The following KAZN variants were observed in gnomAD, a reference collection of about 807,000 sequenced individuals.
KAZN encodes kazrin.
In KAZN, 40 loss-of-function variants were observed where a neutral mutation model predicts 87.4. That is an observed-to-expected ratio of 0.46 (90% confidence interval 0.36 to 0.60). The LOEUF is 0.60. Among genes scored for constraint, KAZN ranks in the 20% least tolerant of loss-of-function variants. KAZN has a pLI of 0.00. For synonymous variants in KAZN, 466 were observed against 458.3 expected (o/e 1.02, Z -0.22); for missense variants, 898 against 1,073.9 (o/e 0.84, Z 2.29).
chr1:14,650,737 A>G (rs1471799591), intron 1 of KAZN, among the ~76,000 whole-genome samples: 3 of 152,192 alleles, frequency 2.0e-5, no homozygotes, highest in Admixed American at 1.3e-4. Flanking sequence ...CAGGTTCCTG[A>G]TGCATTGAAA....
chr1:14,110,388 G>A (rs1412665683), intron 1 of KAZN, among the ~76,000 whole-genome samples: 2 of 152,150 alleles, frequency 1.3e-5, no homozygotes, highest in South Asian at 4.1e-4. Flanking sequence ...AACTCTCTAA[G>A]AATTTAGACT....
chr1:13,898,573 G>T (rs906941276), intron 1 of KAZN, among the ~76,000 whole-genome samples: 1 of 152,224 alleles, frequency 6.6e-6, no homozygotes, highest in African/African-American at 2.4e-5. Flanking sequence ...GCTCGTGGAG[G>T]GTGGAAGGGA....
chr1:14,627,405 G>T (rs1281004392), intron 1 of KAZN, among the ~76,000 whole-genome samples: 1 of 152,122 alleles, frequency 6.6e-6, no homozygotes, highest in Non-Finnish European at 1.5e-5. Flanking sequence ...CTGGGCCAGA[G>T]AGTGCAGAGG....
chr1:14,619,198 C>G (rs1281908866), intron 1 of KAZN, among the ~76,000 whole-genome samples: 2 of 144,218 alleles, frequency 1.4e-5, no homozygotes, highest in Non-Finnish European at 3.1e-5. Context: ...TTTAATCATT[C>G]TTGGTTTTTT....
chr1:14,892,452 G>A (rs774229701), intron 1 of KAZN, among the ~76,000 whole-genome samples: 9 of 149,248 alleles, frequency 6.0e-5, no homozygotes, highest in Non-Finnish European at 1.2e-4. Flanking sequence ...ACAATCCCTG[G>A]ATCATCTGAA....
chr1:14,873,628 C>T (rs911402511), intron 1 of KAZN, among the ~76,000 whole-genome samples: 18 of 152,180 alleles, frequency 1.2e-4, no homozygotes, highest in African/African-American at 3.4e-4. Context: ...ACTTTGCTTT[C>T]CTCTCAGTGA....
chr1:14,157,020 T>C (rs1645610081), intron 1 of KAZN, among the ~76,000 whole-genome samples: 1 of 152,072 alleles, frequency 6.6e-6, no homozygotes, highest in Non-Finnish European at 1.5e-5. Flanking sequence ...TTTTTTGATT[T>C]GAGGTTACCA....
rs545304554 is a variant in KAZN at position 15,066,593 on chromosome 1, A to G, written c.1222+840A>G. ...AGAAAAAAAGAAAATTGTTTCATTT[A>G]ATTTATTTGCACAAATGCTGAAAAC... On this transcript the variant is annotated intron_variant, in intron 8 of 14. Coordinates refer to ENST00000376030, the MANE Select transcript of KAZN (RefSeq NM_201628.3). The surrounding 1 kb of genome is among the most constrained non-coding windows in gnomAD (Gnocchi z 4.3). 705 of 983,812 alleles carry G rather than the reference A, an allele frequency of 7.2e-4. 1 individual carries two copies. The highest frequency in any genetic ancestry group is 7.4e-4 in the Non-Finnish European group (609 of 828,452). The allele number at this position is 983,812 out of a possible 1,614,324, so 60.9% of individuals were successfully genotyped here. A position where few individuals can be genotyped will look rare whatever the true frequency, so the allele number is the denominator to read the frequency against.
intron 1 of KAZN, among the ~76,000 whole-genome samples, chr1:14,932,253 G>A (rs143126440): frequency 7.0e-6 from 1 of 143,088 alleles, no homozygotes; most frequent in Admixed American, 6.9e-5. Context: ...CACCCTCCCC[G>A]CCCCGTCCCC....
Position 14,117,540 on chromosome 1 carries a change from A to G in KAZN, c.92-62895A>G, listed in dbSNP as rs1346486410. On this transcript the variant is annotated intron_variant, in intron 1 of 16. Transcript: ENST00000636203. ...TTATCAGCAGCATGAAAGTGGACTA[A>G]TACACCTCCCAAAGGCCCCACCTCC... Among the ~76,000 whole-genome samples the G allele has an allele frequency of 5.3e-5, 8 of 152,126 alleles. No homozygotes were observed. In the South Asian group the frequency reaches 1.3e-3, roughly 24 times the overall value.
intron 1 of KAZN, among the ~76,000 whole-genome samples, chr1:13,927,694 C>T (rs547158287): frequency 1.9e-4 from 29 of 152,084 alleles, no homozygotes; most frequent in African/African-American, 7.0e-4. Flanking sequence ...AGTTTCCTGC[C>T]CCAAGAAGCT....
chr1:14,347,776 C>A (rs1658214441), intron 2 of KAZN, among the ~76,000 whole-genome samples: 1 of 152,068 alleles, frequency 6.6e-6, no homozygotes. Flanking sequence ...GTGAGTAGTT[C>A]TCTGGATAGT....
intron 1 of KAZN, among the ~76,000 whole-genome samples, chr1:14,717,994 C>T (rs975058588): frequency 3.0e-4 from 45 of 152,208 alleles, no homozygotes; most frequent in Non-Finnish European, 3.2e-4. Context: ...TCAAGAGGGA[C>T]GCTTCCCCCA....
chr1:13,893,122 C>G (rs1291516531), exon 1 of KAZN: 3 of 152,066 alleles, frequency 2.0e-5, no homozygotes, highest in East Asian at 3.9e-4. Flanking sequence ...AGCCCAGGGT[C>G]GGCGCTGCAG....
At chr1:14,656,775 A>T (rs1485835708) in intron 1 of KAZN, among the ~76,000 whole-genome samples, 1 of 152,188 alleles carries the variant, frequency 6.6e-6, no homozygotes, top group Non-Finnish European at 1.5e-5. Context: ...AGCAAGGGGG[A>T]AATTCATCCC....
intron 2 of KAZN, among the ~76,000 whole-genome samples, chr1:15,012,644 C>T (rs189080623): frequency 3.2e-4 from 49 of 152,260 alleles, no homozygotes; most frequent in Middle Eastern, 3.4e-3. Context: ...GATCATGGCC[C>T]GGCGTGGTTG....
At chr1:14,567,723 C>T (rs988906127) in intron 2 of KAZN, among the ~76,000 whole-genome samples, 1 of 152,128 alleles carries the variant, frequency 6.6e-6, no homozygotes, top group Non-Finnish European at 1.5e-5. Flanking sequence ...TATTTTGTTT[C>T]TGTTTTTGTT....
intron 2 of KAZN, among the ~76,000 whole-genome samples, chr1:14,522,322 C>T (rs1355189391): frequency 6.6e-6 from 1 of 152,216 alleles, no homozygotes; most frequent in East Asian, 1.9e-4. Context: ...CTGAGACCTA[C>T]ATGTGATTTG....
intron 1 of KAZN, among the ~76,000 whole-genome samples, chr1:14,938,008 C>A (rs1660644380): frequency 6.6e-6 from 1 of 152,198 alleles, no homozygotes; most frequent in Non-Finnish European, 1.5e-5. Context: ...TTGTGTAGAA[C>A]AGGCTCCCCT....
Sources: gnomAD v4.1 joint callset for allele counts (sites outside exome capture counted in the v4.1 genomes callset) on GRCh38, gnomAD v4.1.1 for gene constraint, Gnocchi (gnomAD v3.1) non-coding constraint, MANE v1.5 for transcripts, NCBI Gene and HGNC (gene_info 2026-07-23, HGNC 2026-07-21) for gene names.